The following ERCC6 variants were observed in gnomAD, a reference collection of about 807,000 sequenced individuals.
ERCC6 encodes the protein ERCC excision repair 6, chromatin remodeling factor.
Under a neutral mutation model 158.7 loss-of-function variants are expected in ERCC6, and 116 were observed. The observed-to-expected ratio is 0.73, with a 90% CI of 0.63 to 0.85. The LOEUF (loss-of-function observed/expected upper bound fraction) is 0.85, where lower values mean the gene tolerates loss of function less well. Ranked by LOEUF, ERCC6 falls within the 40% of genes least tolerant of loss-of-function variation. The probability of loss-of-function intolerance (pLI) is 0.00; values close to 1 mark genes in which losing one functional copy is unlikely to be tolerated. For missense variants in ERCC6, 1,698 were observed against 1,799.4 expected, an observed-to-expected ratio of 0.94 and a Z score of 1.02; for synonymous variants, 678 against 659.3, an observed-to-expected ratio of 1.03 and a Z score of -0.43.
chr10:49,444,919 A>G, the ERCC6 span, among the ~76,000 whole-genome samples: 1 of 152,244 alleles, frequency 6.6e-6, no homozygotes, highest in Non-Finnish European at 1.5e-5. Context: ...AGTATTAGCC[A>G]ATTGAAACCA....
chr10:49,498,468 G>A (rs999156203), intron 7 of ERCC6, among the ~76,000 whole-genome samples: 23 of 152,214 alleles, frequency 1.5e-4, no homozygotes, highest in Admixed American at 1.4e-3. Flanking sequence ...TTAGGAAGAT[G>A]TGGTCCAGTC....
chr10:49,453,672 T>G (rs1850445452), downstream of ERCC6, among the ~76,000 whole-genome samples: 1 of 152,228 alleles, frequency 6.6e-6, no homozygotes, highest in Admixed American at 6.5e-5. Context: ...TTAGGCAGGT[T>G]GGTTAACAAC....
chr10:49,500,494 T>C, intron 7 of ERCC6, 44 bp downstream of exon 7: 2 of 1,597,996 alleles, frequency 1.3e-6, no homozygotes, highest in African/African-American at 1.3e-5. Context: ...TGATGAAATA[T>C]TAATTGAGCT....
chr10:49,448,040 T>C, the ERCC6 span, among the ~76,000 whole-genome samples: 2 of 152,248 alleles, frequency 1.3e-5, no homozygotes, highest in South Asian at 2.1e-4. Flanking sequence ...GTTTTCAGTT[T>C]GTGGAATATT....
chr10:49,445,632 G>T, the ERCC6 span, among the ~76,000 whole-genome samples: 12 of 152,100 alleles, frequency 7.9e-5, no homozygotes, highest in Admixed American at 4.6e-4. Flanking sequence ...TACCCAAAAG[G>T]CCTTCTAAAC....
At chr10:49,472,716 G>GCTAGA in intron 15 of ERCC6, 193 bp downstream of exon 15, 1 of 756,950 alleles carries the variant, frequency 1.3e-6, no homozygotes. Context: ...TGAATGCTAT[G>GCTAGA]GATAAACTGC....
At chr10:49,532,256 T>G (rs916731521) in intron 2 of ERCC6, among the ~76,000 whole-genome samples, 8 of 152,166 alleles carry the variant, frequency 5.3e-5, no homozygotes, top group Admixed American at 1.3e-4. Flanking sequence ...TCTCCTGAGA[T>G]CACTTTGTGC....
the ERCC6 span, among the ~76,000 whole-genome samples, chr10:49,443,048 C>G: frequency 6.6e-6 from 1 of 152,052 alleles, no homozygotes; most frequent in Non-Finnish European, 1.5e-5. Context: ...TAAAATGTAC[C>G]GTTAGTGTGG....
chr10:49,515,537 G>A (rs938049606), intron 5 of ERCC6: 2 of 1,613,906 alleles, frequency 1.2e-6, no homozygotes, highest in African/African-American at 2.7e-5. Context: ...GATGACCATG[G>A]GTCTCCAGAT....
In ERCC6 at chr10:49,526,115, TTTTATATATATA is replaced by T. The variant is rs1370922896; in HGVS notation, c.653-1350_653-1339del. ...TTTATATATTTATATATTTATATAT[TTTTATATATATA>T]TATATATATATATATATATATATAT... On this transcript the variant is annotated intron_variant, in intron 4 of 20. Coordinates refer to ENST00000355832, the MANE Select transcript of ERCC6 (RefSeq NM_000124.4). Among the ~76,000 whole-genome samples, 164 of 105,438 alleles carry T rather than the reference TTTTATATATATA, an allele frequency of 1.6e-3. 7 individuals are homozygous for T. The highest frequency in any genetic ancestry group is 5.8e-3 in the African/African-American group (143 of 24,484). 69.2% of individuals were successfully genotyped at this position (105,438 alleles called of 152,430 possible). A position where few individuals can be genotyped will look rare whatever the true frequency, so the allele number is the denominator to read the frequency against.
the ERCC6 span, among the ~76,000 whole-genome samples, chr10:49,440,390 C>T: frequency 8.5e-5 from 13 of 152,104 alleles, no homozygotes; most frequent in Non-Finnish European, 1.9e-4. Flanking sequence ...TGGGAAAGAC[C>T]GGCCCTCATG....
chr10:49,462,138 C>T (rs931941663), intron 18 of ERCC6, among the ~76,000 whole-genome samples: 11 of 152,124 alleles, frequency 7.2e-5, no homozygotes, highest in East Asian at 5.8e-4. Flanking sequence ...CAATAAAACA[C>T]GCTCCAATTA....
At chr10:49,460,528 G>A (rs1850563514) in intron 19 of ERCC6, 77 bp from the exon 20 acceptor site, 7 of 999,708 alleles carry the variant, frequency 7.0e-6, no homozygotes, top group African/African-American at 4.7e-5. Flanking sequence ...TTTCAACAAT[G>A]AACTTCTTCC....
At chr10:49,453,479 CAT>C (rs1850443025), downstream of ERCC6, among the ~76,000 whole-genome samples, 1 of 152,176 alleles carries the variant, frequency 6.6e-6, no homozygotes, top group Non-Finnish European at 1.5e-5. Context: ...ACAAATGTTA[CAT>C]ATATGACATT....
At chr10:49,482,369 A>G (rs1320923070) in intron 10 of ERCC6, among the ~76,000 whole-genome samples, 10 of 152,206 alleles carry the variant, frequency 6.6e-5, no homozygotes, top group Non-Finnish European at 1.5e-4. Flanking sequence ...ATAATTTCTA[A>G]CTGCTCTTCT....
intron 8 of ERCC6, among the ~76,000 whole-genome samples, chr10:49,484,622 G>C (rs1851045103): frequency 6.6e-6 from 1 of 152,054 alleles, no homozygotes; most frequent in Non-Finnish European, 1.5e-5. Context: ...CAGCTGCAGT[G>C]CCAGCTACTT....
intron 15 of ERCC6, chr10:49,472,684 CT>C: frequency 1.4e-6 from 1 of 737,282 alleles, no homozygotes; most frequent in Non-Finnish European, 2.2e-6. Flanking sequence ...TGCCTATGTT[CT>C]TTTTACCCCA....
chr10:49,532,901 G>A lies in ERCC6; in HGVS notation c.64C>T (p.Pro22Ser), dbSNP rs772633733. The A allele has an allele frequency of 2.5e-6, 4 of 1,614,078 alleles. No homozygotes were observed. The highest frequency in any genetic ancestry group is 2.5e-6 in the Non-Finnish European group (3 of 1,180,052). ...GCCATTTCTTCATTATTACTGACAGGTTGACTCTGTAAACAGTCTTGCTCC... is the reference window on the plus strand; with the variant it reads ...GCCATTTCTTCATTATTACTGACAGATTGACTCTGTAAACAGTCTTGCTCC... ...TQEQDCLQSQPVSNNEEMAIK... is the reference protein window; with the variant it reads ...TQEQDCLQSQSVSNNEEMAIK... Residue 22 changes from proline (P) to serine (S), a missense_variant, in exon 2 of 21, where the codon CCT becomes TCT. Coordinates refer to ENST00000355832, the MANE Select transcript of ERCC6 (RefSeq NM_000124.4).
At chr10:49,537,525 A>G (rs1235388835) in intron 1 of ERCC6, among the ~76,000 whole-genome samples, 19 of 151,842 alleles carry the variant, frequency 1.3e-4, no homozygotes, top group Admixed American at 1.2e-3. Flanking sequence ...ACACACACAC[A>G]CACACACACA....
Sources: allele counts gnomAD v4.1 joint callset (sites outside exome capture counted in the v4.1 genomes callset), GRCh38; gene constraint gnomAD v4.1.1; transcripts MANE v1.5; gene names NCBI Gene and HGNC (gene_info 2026-07-23, HGNC 2026-07-21).